The following HTR2A variants were observed in gnomAD, a reference collection of about 807,000 sequenced individuals.
HTR2A encodes 5-HT2 receptor.
HTR2A carries 14 observed loss-of-function variants against 31.0 expected under a neutral mutation model. The ratio of observed to expected loss-of-function variants is 0.45; its 90% confidence interval spans 0.30 to 0.71. The LOEUF (loss-of-function observed/expected upper bound fraction) is 0.71. HTR2A is among the 30% of genes least tolerant of loss of function. HTR2A has a pLI of 0.09. For missense variants in HTR2A, 442 were observed against 573.3 expected (o/e 0.77, Z 2.34); for synonymous variants, 209 against 225.2 (o/e 0.93, Z 0.64).
rs770085362 is a variant in HTR2A at position 46,835,155 on chromosome 13, A to G, written c.1098T>C (p.Val366=). The G allele has an allele frequency of 2.1e-5, 34 of 1,613,984 alleles. No homozygotes were observed. Among genetic ancestry groups the G allele is most frequent in the Non-Finnish European group, 2.8e-5 (33 of 1,179,996 alleles). ...DVIGALLNVF[V]WIGYLSSAVN... ...CTGCTGAAGAGAGATAACCGATCCA[A>G]ACAAACACATTGAGCAGGGCCCCAA... Residue 366 remains valine, a synonymous_variant, in exon 4 of 4, where the codon GTT becomes GTC. Coordinates refer to ENST00000542664, the MANE Select transcript of HTR2A (RefSeq NM_000621.5).
intron 3 of HTR2A, among the ~76,000 whole-genome samples, chr13:46,879,802 C>G (rs2138238394): frequency 6.6e-6 from 1 of 152,212 alleles, no homozygotes; most frequent in Non-Finnish European, 1.5e-5. Context: ...GCCAGGAGTT[C>G]AAGATCAGCC....
chr13:46,878,538 C>T (rs567429825), intron 3 of HTR2A, among the ~76,000 whole-genome samples: 3 of 152,034 alleles, frequency 2.0e-5, no homozygotes, highest in African/African-American at 7.2e-5. Flanking sequence ...AATAGCTGAA[C>T]CCACGAAAAG....
intron 3 of HTR2A, among the ~76,000 whole-genome samples, chr13:46,861,938 G>A (rs1242386684): frequency 1.3e-5 from 2 of 152,182 alleles, no homozygotes. Flanking sequence ...AGATAATGAG[G>A]AATATTGGAT....
At chr13:46,855,306 G>A in intron 3 of HTR2A, among the ~76,000 whole-genome samples, 1 of 152,138 alleles carries the variant, frequency 6.6e-6, no homozygotes, top group East Asian at 1.9e-4. Context: ...CAAACTCAAG[G>A]GAACTCCTTC....
chr13:46,880,574 C>T (rs896633393), intron 3 of HTR2A, among the ~76,000 whole-genome samples: 1 of 152,148 alleles, frequency 6.6e-6, no homozygotes, highest in African/African-American at 2.4e-5. Flanking sequence ...CATGGTGGCT[C>T]ACACCTATAA....
At chr13:46,857,693 C>A (rs944776717) in intron 3 of HTR2A, among the ~76,000 whole-genome samples, 2 of 152,130 alleles carry the variant, frequency 1.3e-5, no homozygotes, top group Non-Finnish European at 2.9e-5. Context: ...GCCTCAAAAA[C>A]AAGAAGGGCT....
Position 46,834,602 on chromosome 13 carries a change from T to C in HTR2A, c.*235A>G, listed in dbSNP as rs1876366829. On this transcript the variant is annotated 3_prime_UTR_variant, in exon 4 of 4. Transcript: ENST00000542664. ...CATTTTAAAGACATATCATTTACAA[T>C]GTTATAAATAAGTATCAGAAAGCTC... The C allele has an allele frequency of 4.2e-6, 2 of 481,698 alleles. No homozygotes were observed. Among genetic ancestry groups the C allele is most frequent in the Non-Finnish European group, 7.3e-6 (2 of 274,102 alleles). The allele number at this position is 481,698 out of a possible 1,614,324, so 29.8% of individuals were successfully genotyped here. A position where few individuals can be genotyped will look rare whatever the true frequency, so the allele number is the denominator to read the frequency against.
chr13:46,845,154 A>G (rs566978001), intron 3 of HTR2A, among the ~76,000 whole-genome samples: 3 of 152,266 alleles, frequency 2.0e-5, no homozygotes, highest in Non-Finnish European at 4.4e-5. Flanking sequence ...AATATACACA[A>G]TTGATTTAGG....
rs1171886532 is a variant in HTR2A at position 46,895,305 on chromosome 13, T to C, written c.412+190A>G. 8.5e-6 allele frequency: 5 copies of C among 591,016 alleles called. No homozygotes were observed. Among genetic ancestry groups the C allele is most frequent in the East Asian group, 2.9e-5 (1 of 34,682 alleles). The allele number at this position is 591,016 out of a possible 1,614,324, so 36.6% of individuals were successfully genotyped here. ...AAAACTCTCCAGTGATCACAGGTCA[T>C]AGACTGTCTGATTTTTATGTGAAAT... On this transcript the variant is annotated intron_variant, in intron 2 of 3. Transcript: ENST00000542664. The surrounding 1 kb of genome is among the most constrained non-coding windows in gnomAD (Gnocchi z 4.4).
intron 3 of HTR2A, among the ~76,000 whole-genome samples, chr13:46,865,105 C>T (rs1332583341): frequency 5.9e-5 from 9 of 152,322 alleles, no homozygotes; most frequent in Middle Eastern, 3.4e-3. Context: ...CATGTCAACA[C>T]TGATTCTCCT....
At chr13:46,857,341 G>A (rs1950746099) in intron 3 of HTR2A, among the ~76,000 whole-genome samples, 1 of 151,578 alleles carries the variant, frequency 6.6e-6, no homozygotes, top group African/African-American at 2.4e-5. Context: ...CTCAAGGCTG[G>A]AATGTCCAAG....
intron 3 of HTR2A, among the ~76,000 whole-genome samples, chr13:46,844,753 C>T (rs1304407737): frequency 6.6e-6 from 1 of 152,202 alleles, no homozygotes; most frequent in Non-Finnish European, 1.5e-5. Flanking sequence ...GGTTTGCCTC[C>T]AGACTCTGTT....
At chr13:46,850,341 T>C (rs1428682099) in intron 3 of HTR2A, among the ~76,000 whole-genome samples, 2 of 152,208 alleles carry the variant, frequency 1.3e-5, no homozygotes, top group Admixed American at 1.3e-4. Flanking sequence ...ACAGATGAGC[T>C]CACTTACTCC....
intron 3 of HTR2A, among the ~76,000 whole-genome samples, chr13:46,877,123 T>C (rs144157641): frequency 1.5e-3 from 229 of 152,276 alleles, no homozygotes; most frequent in African/African-American, 5.2e-3. Flanking sequence ...ATGAGACCCA[T>C]GAGGCCTCTA....
chr13:46,873,553 C>T (rs1479485308), intron 3 of HTR2A, among the ~76,000 whole-genome samples: 2 of 151,538 alleles, frequency 1.3e-5, no homozygotes, highest in African/African-American at 4.9e-5. Flanking sequence ...CCCATTAACT[C>T]GTCATTTACA....
intron 3 of HTR2A, among the ~76,000 whole-genome samples, chr13:46,871,686 G>C (rs1395824451): frequency 3.3e-5 from 5 of 149,596 alleles, no homozygotes; most frequent in Non-Finnish European, 7.5e-5. Context: ...TGCATGCATT[G>C]GTCAGGCCAG....
At chr13:46,885,104 C>T (rs145428652) in intron 3 of HTR2A, among the ~76,000 whole-genome samples, 6 of 151,988 alleles carry the variant, frequency 3.9e-5, no homozygotes, top group Admixed American at 6.5e-5. Flanking sequence ...ATAAAGAAAG[C>T]ACAGTAAGAG....
intron 3 of HTR2A, among the ~76,000 whole-genome samples, chr13:46,840,378 G>C (rs1950589097): frequency 6.6e-6 from 1 of 152,126 alleles, no homozygotes; most frequent in African/African-American, 2.4e-5. Flanking sequence ...AAACATGTCA[G>C]TTACCCAAAA....
At chr13:46,894,221 C>T (rs1951080735) in intron 2 of HTR2A, among the ~76,000 whole-genome samples, 1 of 152,146 alleles carries the variant, frequency 6.6e-6, no homozygotes. Context: ...GAACGGGCTG[C>T]TCTCAGAGCG....
Sources: allele counts gnomAD v4.1 joint callset (sites outside exome capture counted in the v4.1 genomes callset), GRCh38; gene constraint gnomAD v4.1.1; non-coding constraint Gnocchi (gnomAD v3.1); transcripts MANE v1.5; gene names NCBI Gene and HGNC (gene_info 2026-07-23, HGNC 2026-07-21).